SNAP25: variants seen among roughly 807,000 people sequenced by gnomAD.
The protein encoded by SNAP25 is synaptosome associated protein 25.
A neutral mutation model predicts 28.7 loss-of-function variants in SNAP25; 3 were observed. The observed-to-expected ratio is 0.10, with a 90% CI of 0.05 to 0.27. SNAP25 has a LOEUF of 0.27. SNAP25 is among the 10% of genes least tolerant of loss of function. The pLI is 1.00. For missense variants in SNAP25, 117 were observed against 278.7 expected, an observed-to-expected ratio of 0.42 and a Z score of 4.13; for synonymous variants, 61 against 88.1, an observed-to-expected ratio of 0.69 and a Z score of 1.72.
At chr20:10,234,887 C>CATAAA (rs1242156943) in intron 1 of SNAP25, among the ~76,000 whole-genome samples, 6 of 152,064 alleles carry the variant, frequency 3.9e-5, no homozygotes, top group Non-Finnish European at 8.8e-5. Context: ...AATAAAATAA[C>CATAAA]ATAAAATAAA....
intron 1 of SNAP25, among the ~76,000 whole-genome samples, chr20:10,229,894 A>G (rs1394030547): frequency 6.6e-6 from 1 of 152,084 alleles, no homozygotes; most frequent in African/African-American, 2.4e-5. Flanking sequence ...AATTTGGGGG[A>G]AAAAAGAAGA....
At chr20:10,262,516 C>T (rs2063431390) in intron 1 of SNAP25, among the ~76,000 whole-genome samples, 1 of 152,094 alleles carries the variant, frequency 6.6e-6, no homozygotes, top group South Asian at 2.1e-4. Flanking sequence ...TGTTCTTTTT[C>T]CCCTCTTTTC....
At chr20:10,275,114 T>TA (rs60268842) in intron 1 of SNAP25, among the ~76,000 whole-genome samples, 5 of 151,200 alleles carry the variant, frequency 3.3e-5, no homozygotes, top group Admixed American at 3.3e-4. Flanking sequence ...AATAAATAAA[T>TA]GTGATGATAA....
intron 5 of SNAP25, chr20:10,296,458 T>C (rs2064112173): frequency 6.2e-6 from 1 of 162,520 alleles, no homozygotes; most frequent in Non-Finnish European, 1.4e-5. Flanking sequence ...TGCATGATGG[T>C]GTGTAAAAAC....
At position 10,275,486 on chromosome 20, in the gene SNAP25, G is replaced by A. The variant is rs11547864; in HGVS notation, c.-6G>A. On this transcript the variant is annotated 5_prime_UTR_variant, in exon 2 of 8. Coordinates refer to ENST00000254976, the MANE Select transcript of SNAP25 (RefSeq NM_130811.4). Reference sequence around the variant, plus strand: ...CCCAGGCGCCCAGCCACTCCCCACCGCTACCATGGCCGAAGACGCAGACAT... The same window carrying A: ...CCCAGGCGCCCAGCCACTCCCCACCACTACCATGGCCGAAGACGCAGACAT... The A allele has an allele frequency of 5.1e-5, 82 of 1,600,776 alleles. 2 individuals are homozygous for A. Among genetic ancestry groups the A allele is most frequent in the Middle Eastern group, 3.3e-4 (2 of 5,988 alleles).
At chr20:10,259,980 A>G (rs1296116345) in intron 1 of SNAP25, among the ~76,000 whole-genome samples, 1 of 152,296 alleles carries the variant, frequency 6.6e-6, no homozygotes, top group East Asian at 1.9e-4. Flanking sequence ...TAAATGAATC[A>G]TGTCCATCAA....
chr20:10,221,038 A>G (rs2062623337), intron 1 of SNAP25, among the ~76,000 whole-genome samples: 1 of 152,250 alleles, frequency 6.6e-6, no homozygotes, highest in Non-Finnish European at 1.5e-5. Context: ...GAAGTTTATA[A>G]CTTTGCAATC....
Position 10,277,910 on chromosome 20 carries a change from T to G in SNAP25, c.114+184T>G, listed in dbSNP as rs983161356. 7.2e-6 allele frequency: 4 copies of G among 554,158 alleles called. No individual in the cohort carries two copies. The African/African-American group carries it at 7.6e-5, about 11-fold the overall frequency. The allele number at this position is 554,158 out of a possible 1,614,324, so 34.3% of individuals were successfully genotyped here. On this transcript the variant is annotated intron_variant, in intron 3 of 7. Coordinates refer to ENST00000254976, the MANE Select transcript of SNAP25 (RefSeq NM_130811.4). ...GTTGCCAGATAGCCATGAAGACACC[T>G]TCACCCTCCTTCCCAGCCCAAGCCA...
intron 1 of SNAP25, among the ~76,000 whole-genome samples, chr20:10,268,058 A>T (rs551001932): frequency 6.6e-6 from 1 of 152,348 alleles, no homozygotes; most frequent in Admixed American, 6.5e-5. Flanking sequence ...GTTTGTGTAA[A>T]GGTATATTTT....
In SNAP25 at chr20:10,293,401, C is replaced by T. The variant is rs770203972; in HGVS notation, c.281+123C>T. On this transcript the variant is annotated intron_variant, in intron 5 of 7. Coordinates refer to ENST00000254976, the MANE Select transcript of SNAP25 (RefSeq NM_130811.4). This position sits in a 1 kb window ranked among gnomAD's most constrained non-coding sequence, Gnocchi z 5.6. ...TGTGGCATGCAGAACAGATCAATAC[C>T]GTCTCCAATGCATTCATCTCATAGC... is the stretch of plus-strand genomic sequence containing the variant. 71 of 689,298 alleles carry T rather than the reference C, an allele frequency of 1.0e-4. No individual in the cohort carries two copies. The highest frequency in any genetic ancestry group is 1.7e-4 in the Non-Finnish European group (67 of 387,288). The allele number at this position is 689,298 out of a possible 1,614,324, so 42.7% of individuals were successfully genotyped here. A position where few individuals can be genotyped will look rare whatever the true frequency, so the allele number is the denominator to read the frequency against.
At chr20:10,236,688 C>T (rs363011) in intron 1 of SNAP25, among the ~76,000 whole-genome samples, 134,528 of 151,996 alleles carry the variant, frequency 0.89, 59,619 homozygotes, top group Middle Eastern at 0.93. Context: ...TGTGTTGCCG[C>T]GTCATGGAAA....
At chr20:10,297,218 C>A (rs746752507) in intron 6 of SNAP25, among the ~76,000 whole-genome samples, 168 bp downstream of exon 6, 16 of 152,196 alleles carry the variant, frequency 1.1e-4, no homozygotes, top group Admixed American at 8.5e-4. Flanking sequence ...TGGGGTGATC[C>A]AAGATGGCCC....
Position 10,260,724 on chromosome 20 carries a change from AAC to A in SNAP25, c.-63-14689_-63-14688del, listed in dbSNP as rs368209820. Reference sequence around the variant, plus strand: ...ACACACACACACACACACACACACAAACACACACACACACACATCTGCCTTAT... The same window carrying A: ...ACACACACACACACACACACACACAAACACACACACACACATCTGCCTTAT... On this transcript the variant is annotated intron_variant, in intron 1 of 7. Transcript: ENST00000254976. Among the ~76,000 whole-genome samples, 28 of 78,480 alleles carry A rather than the reference AAC, an allele frequency of 3.6e-4. No homozygotes were observed. The East Asian group carries it at 4.1e-3, about 11-fold the overall frequency. 51.5% of individuals were successfully genotyped at this position (78,480 alleles called of 152,430 possible).
At chr20:10,275,346 G>A (rs2063673022) in intron 1 of SNAP25, 83 bp from the exon 2 acceptor site, 1 of 568,308 alleles carries the variant, frequency 1.8e-6, no homozygotes. Context: ...GACTGAGTAT[G>A]GGCCATTTAG....
chr20:10,260,097 T>G (rs531863511), intron 1 of SNAP25, among the ~76,000 whole-genome samples: 1 of 152,156 alleles, frequency 6.6e-6, no homozygotes, highest in Non-Finnish European at 1.5e-5. Context: ...TTCTGTCATT[T>G]CCTCCCAGTG....
intron 1 of SNAP25, among the ~76,000 whole-genome samples, chr20:10,265,227 A>C (rs2063487289): frequency 6.6e-6 from 1 of 152,242 alleles, no homozygotes; most frequent in African/African-American, 2.4e-5. Context: ...CAAGGAGCCA[A>C]GTCCATCCCA....
intron 1 of SNAP25, among the ~76,000 whole-genome samples, chr20:10,261,881 G>A (rs1778525075): frequency 1.3e-5 from 2 of 152,122 alleles, no homozygotes; most frequent in South Asian, 4.1e-4. Context: ...TAGGAAAACA[G>A]AAATTATGTT....
At chr20:10,299,209 C>T (rs942545847) in intron 6 of SNAP25, 59 bp from the exon 7 acceptor site, 12 of 1,580,672 alleles carry the variant, frequency 7.6e-6, no homozygotes, top group Non-Finnish European at 8.6e-6. Context: ...GCTTTGGGTC[C>T]TTGGTATTCA....
intron 1 of SNAP25, 148 bp from the exon 2 acceptor site, chr20:10,275,281 A>C (rs1026543909): frequency 2.9e-6 from 1 of 345,164 alleles, no homozygotes; most frequent in Admixed American, 4.6e-5. Context: ...AAACAGCACA[A>C]TTCTGTTGAC....
Sources: gnomAD v4.1 joint callset for allele counts (sites outside exome capture counted in the v4.1 genomes callset) on GRCh38, gnomAD v4.1.1 for gene constraint, Gnocchi (gnomAD v3.1) non-coding constraint, MANE v1.5 for transcripts, NCBI Gene and HGNC (gene_info 2026-07-23, HGNC 2026-07-21) for gene names.